Variants in ALPL observed in about 807,000 individuals in gnomAD.
ALPL encodes the protein alkaline phosphatase, biomineralization associated.
ALPL carries 42 observed loss-of-function variants against 51.3 expected under a neutral mutation model. That is an observed-to-expected ratio of 0.82 (90% CI 0.64 to 1.06). ALPL has a LOEUF of 1.06. Among genes scored for constraint, ALPL ranks in the 50% least tolerant of loss-of-function variants. The pLI is 0.00. For missense variants in ALPL, 589 were observed against 709.4 expected (o/e 0.83, Z 1.93); for synonymous variants, 279 against 296.4 (o/e 0.94, Z 0.60).
At chr1:21,516,058 C>T (rs907521324) in intron 1 of ALPL, among the ~76,000 whole-genome samples, 7 of 152,104 alleles carry the variant, frequency 4.6e-5, no homozygotes, top group Middle Eastern at 3.4e-3. Flanking sequence ...TTTTTTATTA[C>T]TTGTAGAGAT....
intron 9 of ALPL, chr1:21,574,055 C>T (rs1644691559): frequency 1.0e-6 from 1 of 985,488 alleles, no homozygotes; most frequent in Non-Finnish European, 1.2e-6. Flanking sequence ...GCAGATTTCT[C>T]CCCTTTGGTA....
At chr1:21,563,318 C>A in intron 5 of ALPL, 34 bp downstream of exon 5, 2 of 1,590,950 alleles carry the variant, frequency 1.3e-6, no homozygotes, top group South Asian at 2.3e-5. Context: ...GCAGGGCCAG[C>A]TTCGTGGCCT....
chr1:21,542,253 C>T (rs569012183), intron 1 of ALPL, among the ~76,000 whole-genome samples: 7 of 152,304 alleles, frequency 4.6e-5, no homozygotes, highest in Middle Eastern at 3.4e-3. Context: ...TGCCTCATTC[C>T]TCATGCCCAC....
chr1:21,570,203 G>A (rs1194253245), intron 7 of ALPL, 102 bp from the exon 8 acceptor site: 3 of 1,192,418 alleles, frequency 2.5e-6, no homozygotes, highest in Non-Finnish European at 3.7e-6. Flanking sequence ...TTTAAGTGAG[G>A]GAAGGAAACA....
chr1:21,531,341 G>C (rs1047215897), intron 1 of ALPL, among the ~76,000 whole-genome samples: 40 of 152,178 alleles, frequency 2.6e-4, no homozygotes, highest in African/African-American at 9.4e-4. Context: ...CGAGCCTCCT[G>C]CCTTGGCTCC....
upstream of ALPL, among the ~76,000 whole-genome samples, chr1:21,509,160 C>G (rs1377171232): frequency 6.6e-6 from 1 of 152,016 alleles, no homozygotes; most frequent in African/African-American, 2.4e-5. This position sits in a 1 kb window ranked among gnomAD's most constrained non-coding sequence, Gnocchi z 6.0. Context: ...TGGGGCAGCC[C>G]GGAGGCAGAG....
intron 1 of ALPL, among the ~76,000 whole-genome samples, chr1:21,551,723 T>G (rs983872703): frequency 3.4e-5 from 4 of 117,530 alleles, no homozygotes; most frequent in Admixed American, 1.6e-4. Context: ...TGCGTGGTTT[T>G]TTTTTTTTTT....
chr1:21,531,498 G>T (rs1390285784), intron 1 of ALPL, among the ~76,000 whole-genome samples: 1 of 152,224 alleles, frequency 6.6e-6, no homozygotes, highest in African/African-American at 2.4e-5. Context: ...TTAATTGAGG[G>T]GCAGAACAAA....
chr1:21,578,372 C>T lies in ALPL; in HGVS notation c.*724C>T, dbSNP rs903364584. The stretch of plus-strand genomic sequence containing the variant: ...TTTTGGTGGTGGTTAAAAGGGAACA[C>T]AAAACATTTAAATAAAACTTTCCAA... On this transcript the variant is annotated 3_prime_UTR_variant, in exon 12 of 12. Transcript: ENST00000374840. The surrounding 1 kb of genome is among the most constrained non-coding windows in gnomAD (Gnocchi z 4.2). 8.5e-5 allele frequency: 13 copies of T among 152,468 alleles called. No individual in the cohort carries two copies. The highest frequency in any genetic ancestry group is 2.9e-4 in the African/African-American group (12 of 41,388). 9.4% of individuals were successfully genotyped at this position (152,468 alleles called of 1,614,324 possible).
chr1:21,564,812 T>C lies in ALPL; in HGVS notation c.648+596T>C, dbSNP rs190419490. Among the ~76,000 whole-genome samples, 1 of 152,328 alleles carries C rather than the reference T, an allele frequency of 6.6e-6. No homozygotes were observed. Among genetic ancestry groups the C allele is most frequent in the East Asian group, 1.9e-4 (1 of 5,176 alleles). ...GCCAAGAACTGATTAAGATAATCCCTGTGGAGCTCAGCACAGGACCCGAGG... is the reference window on the plus strand; with the variant it reads ...GCCAAGAACTGATTAAGATAATCCCCGTGGAGCTCAGCACAGGACCCGAGG... On this transcript the variant is annotated intron_variant, in intron 6 of 11. Transcript: ENST00000374840. The surrounding 1 kb of genome is among the most constrained non-coding windows in gnomAD (Gnocchi z 5.8).
At chr1:21,537,859 G>A (rs1348316100) in intron 1 of ALPL, among the ~76,000 whole-genome samples, 2 of 152,156 alleles carry the variant, frequency 1.3e-5, no homozygotes, top group African/African-American at 2.4e-5. Flanking sequence ...ACTGGAATTC[G>A]AAGACTGGGT....
At chr1:21,554,910 T>TTTC (rs1558544233) in intron 2 of ALPL, among the ~76,000 whole-genome samples, 5 of 136,576 alleles carry the variant, frequency 3.7e-5, no homozygotes, top group Admixed American at 7.5e-5. Context: ...TTTCTTTCTC[T>TTTC]TTTCTTTCTT....
In ALPL at chr1:21,577,865, C is replaced by T. The variant is rs373909118; in HGVS notation, c.*217C>T. On this transcript the variant is annotated 3_prime_UTR_variant, in exon 12 of 12. Coordinates refer to ENST00000374840, the MANE Select transcript of ALPL (RefSeq NM_000478.6). ...TGGCCTCCAGCCTTTGCTCCCTCCC[C>T]GCTGCCCTTTGGCCAACAGGGTAGA... The T allele has an allele frequency of 6.8e-4, 439 of 643,088 alleles. 1 individual carries two copies. The African/African-American group carries it at 7.0e-3, about 10-fold the overall frequency. The allele number at this position is 643,088 out of a possible 1,614,324, so 39.8% of individuals were successfully genotyped here. A position where few individuals can be genotyped will look rare whatever the true frequency, so the allele number is the denominator to read the frequency against.
chr1:21,522,401 A>T (rs1281525123), intron 1 of ALPL, among the ~76,000 whole-genome samples: 1 of 152,172 alleles, frequency 6.6e-6, no homozygotes, highest in Non-Finnish European at 1.5e-5. Context: ...ATCATGAACC[A>T]GGCTGTGTTC....
chr1:21,523,288 G>C (rs531428555), intron 1 of ALPL, among the ~76,000 whole-genome samples: 1 of 152,230 alleles, frequency 6.6e-6, no homozygotes, highest in East Asian at 1.9e-4. Context: ...GACAGAGCGA[G>C]ACTCCATCTC....
At chr1:21,571,185 A>T (rs1018292707) in intron 8 of ALPL, among the ~76,000 whole-genome samples, 1 of 152,182 alleles carries the variant, frequency 6.6e-6, no homozygotes, top group Non-Finnish European at 1.5e-5. Context: ...ACCACCTCTA[A>T]GCTGTGTGAC....
At chr1:21,520,557 G>A (rs1041274396) in intron 1 of ALPL, among the ~76,000 whole-genome samples, 1 of 148,658 alleles carries the variant, frequency 6.7e-6, no homozygotes, top group Non-Finnish European at 1.5e-5. Flanking sequence ...AGCCTCCCAG[G>A]TTCAAGTGAT....
chr1:21,563,231 A>C lies in ALPL; in HGVS notation c.419A>C (p.Asn140Thr). ...GCAGCCACTGAGCGTTCCCGGTGCAACACCACCCAGGGGAACGAGGTCACC... is the reference window on the plus strand; with the variant it reads ...GCAGCCACTGAGCGTTCCCGGTGCACCACCACCCAGGGGAACGAGGTCACC... ...VSAATERSRC[N>T]TTQGNEVTSI... Residue 140 changes from asparagine to threonine, a missense_variant, in exon 5 of 12, where the codon AAC (asparagine) becomes ACC (threonine). Transcript: ENST00000374840. The C allele has an allele frequency of 6.2e-7, 1 of 1,613,802 alleles. No homozygotes were observed. The highest frequency in any genetic ancestry group is 1.1e-5 in the South Asian group (1 of 91,072).
chr1:21,521,589 C>A (rs1321088567), intron 1 of ALPL, among the ~76,000 whole-genome samples: 1 of 152,204 alleles, frequency 6.6e-6, no homozygotes, highest in Admixed American at 6.5e-5. Flanking sequence ...GACTCTTGAG[C>A]CACTCAATGC....
Sources: allele counts gnomAD v4.1 joint callset (sites outside exome capture counted in the v4.1 genomes callset), GRCh38; gene constraint gnomAD v4.1.1; non-coding constraint Gnocchi (gnomAD v3.1); transcripts MANE v1.5; gene names NCBI Gene and HGNC (gene_info 2026-07-23, HGNC 2026-07-21).